ANKS1B: variants seen among roughly 807,000 people sequenced by gnomAD.
ANKS1B encodes the protein ankyrin repeat and sterile alpha motif domain containing 1B.
In ANKS1B, 36 loss-of-function variants were observed where a neutral mutation model predicts 148.3. The observed-to-expected ratio is 0.24, with a 90% CI of 0.19 to 0.32. ANKS1B has a LOEUF of 0.32. ANKS1B is among the 10% of genes least tolerant of loss of function. The pLI is 1.00. For synonymous variants in ANKS1B, 542 were observed against 560.8 expected, an observed-to-expected ratio of 0.97 and a Z score of 0.47; for missense variants, 1,157 against 1,542.6, an observed-to-expected ratio of 0.75 and a Z score of 4.19.
rs200241329 is a variant in ANKS1B at position 99,323,341 on chromosome 12, C to T, written c.1756+76290G>A. 1.1e-4 allele frequency among the ~76,000 whole-genome samples: 16 copies of T among 152,306 alleles called. No homozygotes were observed. The East Asian group carries it at 2.9e-3, about 28-fold the overall frequency. On this transcript the variant is annotated intron_variant, in intron 12 of 26. Coordinates refer to ENST00000683438, the MANE Select transcript of ANKS1B (RefSeq NM_001352186.2). Reference sequence around the variant, plus strand: ...CTATGAGTAATTAATTTCTGCATGGCATTCATGCAGCCATATTCATTTTAT... The same window carrying T: ...CTATGAGTAATTAATTTCTGCATGGTATTCATGCAGCCATATTCATTTTAT...
chr12:99,940,674 G>C (rs563003310), intron 1 of ANKS1B, among the ~76,000 whole-genome samples: 1 of 152,230 alleles, frequency 6.6e-6, no homozygotes, highest in Non-Finnish European at 1.5e-5. Context: ...AAGATACTAA[G>C]ATACGCAAAG....
chr12:99,009,422 G>T (rs2153403394), intron 17 of ANKS1B, among the ~76,000 whole-genome samples: 1 of 152,310 alleles, frequency 6.6e-6, no homozygotes, highest in Non-Finnish European at 1.5e-5. Flanking sequence ...GTGGGGAACT[G>T]ATGCTGAGCT....
intron 1 of ANKS1B, among the ~76,000 whole-genome samples, chr12:99,900,181 G>A (rs1220607994): frequency 6.6e-6 from 1 of 151,340 alleles, no homozygotes; most frequent in Non-Finnish European, 1.5e-5. Context: ...TAATAGGCAT[G>A]AGCCACCACT....
intron 9 of ANKS1B, among the ~76,000 whole-genome samples, chr12:99,566,889 C>A (rs560934945): frequency 6.6e-6 from 1 of 152,346 alleles, no homozygotes; most frequent in East Asian, 1.9e-4. Context: ...GTTCTGCAAA[C>A]ATTTCCTAGC....
At chr12:99,073,395 C>A (rs1016830467) in intron 16 of ANKS1B, among the ~76,000 whole-genome samples, 5 of 152,162 alleles carry the variant, frequency 3.3e-5, no homozygotes, top group Non-Finnish European at 5.9e-5. Context: ...TAGAGAATGA[C>A]CTTCCATCTT....
chr12:98,739,819 G>C (rs1490664160), downstream of ANKS1B, among the ~76,000 whole-genome samples: 1 of 152,084 alleles, frequency 6.6e-6, no homozygotes, highest in Non-Finnish European at 1.5e-5. Context: ...TTTCGTCCCA[G>C]TTACAAACCC....
chr12:99,652,638 A>T (rs1425558851), intron 9 of ANKS1B, among the ~76,000 whole-genome samples: 2 of 152,198 alleles, frequency 1.3e-5, no homozygotes, highest in African/African-American at 2.4e-5. Context: ...TACTTTTTAA[A>T]CTCAACATAG....
At chr12:99,099,230 C>T (rs886358491) in intron 15 of ANKS1B, among the ~76,000 whole-genome samples, 6 of 152,236 alleles carry the variant, frequency 3.9e-5, no homozygotes, top group Non-Finnish European at 1.5e-5. Flanking sequence ...CAGGTAGCAG[C>T]ATTCCAAATC....
chr12:99,783,594 T>C (rs1393075703), intron 4 of ANKS1B, among the ~76,000 whole-genome samples: 1 of 152,172 alleles, frequency 6.6e-6, no homozygotes, highest in Non-Finnish European at 1.5e-5. Context: ...TGGATGAGCC[T>C]GGAGAATATT....
chr12:99,704,831 T>C (rs973612415), intron 8 of ANKS1B, among the ~76,000 whole-genome samples: 20 of 152,110 alleles, frequency 1.3e-4, no homozygotes, highest in Admixed American at 1.2e-3. Context: ...GGGAAAAATA[T>C]GTCAGATGAC....
chr12:98,943,355 G>T (rs2153031113), intron 17 of ANKS1B, among the ~76,000 whole-genome samples: 1 of 152,260 alleles, frequency 6.6e-6, no homozygotes, highest in South Asian at 2.1e-4. Context: ...ACTTTCTATG[G>T]CCTTTATAAC....
chr12:99,406,050 A>G (rs1232214384), intron 11 of ANKS1B, among the ~76,000 whole-genome samples: 1 of 145,752 alleles, frequency 6.9e-6, no homozygotes, highest in East Asian at 1.9e-4. Context: ...AAAGAGAGAC[A>G]TAAACCCCAA....
chr12:99,716,740 A>G (rs2057384067), intron 8 of ANKS1B, among the ~76,000 whole-genome samples: 1 of 151,584 alleles, frequency 6.6e-6, no homozygotes, highest in Non-Finnish European at 1.5e-5. Flanking sequence ...AATCGTCCCA[A>G]ATCTTCCTTC....
At chr12:99,589,364 A>G (rs560430689) in intron 9 of ANKS1B, among the ~76,000 whole-genome samples, 1 of 152,276 alleles carries the variant, frequency 6.6e-6, no homozygotes, top group African/African-American at 2.4e-5. Context: ...TTTATAAACT[A>G]AAATTATTTC....
chr12:98,807,689 G>A (rs2153614155), intron 20 of ANKS1B, among the ~76,000 whole-genome samples, 155 bp downstream of exon 20: 1 of 152,264 alleles, frequency 6.6e-6, no homozygotes, highest in South Asian at 2.1e-4. Flanking sequence ...ACAAGGCACA[G>A]TAAATGAAGT....
intron 8 of ANKS1B, among the ~76,000 whole-genome samples, chr12:99,660,097 T>G (rs919456248): frequency 6.6e-6 from 1 of 152,238 alleles, no homozygotes; most frequent in Non-Finnish European, 1.5e-5. Flanking sequence ...TTTTTGCCTT[T>G]GTTTAGTTCT....
At chr12:99,522,708 A>G (rs543899473) in intron 9 of ANKS1B, among the ~76,000 whole-genome samples, 3 of 152,364 alleles carry the variant, frequency 2.0e-5, no homozygotes, top group South Asian at 4.1e-4. Context: ...TACAGCTGAC[A>G]GTATGAGTCA....
chr12:99,342,269 G>T (rs936221892), intron 12 of ANKS1B, among the ~76,000 whole-genome samples: 4 of 152,030 alleles, frequency 2.6e-5, no homozygotes, highest in Non-Finnish European at 5.9e-5. Flanking sequence ...TCCTAGGGAA[G>T]CTGTTTGAGT....
chr12:99,768,193 A>G (rs868314658), intron 8 of ANKS1B, among the ~76,000 whole-genome samples: 2 of 152,212 alleles, frequency 1.3e-5, no homozygotes, highest in South Asian at 2.1e-4. Flanking sequence ...TCATATCACA[A>G]TCAGCAAGTT....
Sources: gnomAD v4.1 joint callset for allele counts (sites outside exome capture counted in the v4.1 genomes callset) on GRCh38, gnomAD v4.1.1 for gene constraint, MANE v1.5 for transcripts, NCBI Gene and HGNC (gene_info 2026-07-23, HGNC 2026-07-21) for gene names.